The following NECTIN3 variants were observed in gnomAD, a reference collection of about 807,000 sequenced individuals.
NECTIN3 encodes the protein nectin cell adhesion molecule 3.
A neutral mutation model predicts 49.4 loss-of-function variants in NECTIN3; 8 were observed. The ratio of observed to expected loss-of-function variants is 0.16; its 90% confidence interval spans 0.10 to 0.29. The LOEUF is 0.29. Among genes scored for constraint, NECTIN3 ranks in the 10% least tolerant of loss-of-function variants. NECTIN3 has a pLI of 1.00. For synonymous variants in NECTIN3, 277 were observed against 241.1 expected (o/e 1.15, Z -1.38); for missense variants, 581 against 654.6 (o/e 0.89, Z 1.23).
At chr3:111,176,456 T>G (rs113194004) in intron 7 of NECTIN3, among the ~76,000 whole-genome samples, 9 of 152,330 alleles carry the variant, frequency 5.9e-5, no homozygotes, top group African/African-American at 1.7e-4. Context: ...AAAACTTTAG[T>G]GTCTTTGTGG....
chr3:111,147,410 C>T, exon 7 of NECTIN3: 1 of 1,530,080 alleles, frequency 6.5e-7, no homozygotes, highest in Non-Finnish European at 8.8e-7. Flanking sequence ...CAGGATTGAC[C>T]TTCCACCCAC....
intron 3 of NECTIN3, among the ~76,000 whole-genome samples, chr3:111,120,626 T>G (rs1222281903): frequency 6.6e-6 from 1 of 152,282 alleles, no homozygotes; most frequent in African/African-American, 2.4e-5. Context: ...TTTTGTAAAT[T>G]TTGCTTTCCA....
At chr3:111,123,553 T>A (rs2034039803) in intron 4 of NECTIN3, among the ~76,000 whole-genome samples, 3 of 152,172 alleles carry the variant, frequency 2.0e-5, no homozygotes, top group Admixed American at 1.3e-4. Flanking sequence ...TCGTGGCCAG[T>A]TTATTTCTAG....
intron 6 of NECTIN3, among the ~76,000 whole-genome samples, chr3:111,145,817 T>G (rs2034859646): frequency 6.6e-6 from 1 of 152,232 alleles, no homozygotes; most frequent in African/African-American, 2.4e-5. Flanking sequence ...AAGGTTGACT[T>G]TCAAAGAATA....
chr3:111,081,403 A>G (rs1478293669), intron 1 of NECTIN3, among the ~76,000 whole-genome samples: 1 of 152,192 alleles, frequency 6.6e-6, no homozygotes, highest in Non-Finnish European at 1.5e-5. Context: ...TGTAAAACTT[A>G]ATTGTCAGGA....
rs142190887 is a variant in NECTIN3, at chr3:111,165,362, T to C, written c.1221+17878T>C. 4.4e-3 allele frequency among the ~76,000 whole-genome samples: 675 copies of C among 152,192 alleles called. 6 individuals are homozygous for C. Among genetic ancestry groups the C allele is most frequent in the African/African-American group, 0.015 (625 of 41,522 alleles). On this transcript the variant is annotated intron_variant, in intron 7 of 8. Coordinates refer to the NECTIN3 transcript ENST00000493615. ...CCGGCCAGATTTTTTTTTAAAGCAT[T>C]CTTTTTGCTGTCCACATTATGGTAC...
At chr3:111,177,760 TC>T (rs2035557459) in intron 7 of NECTIN3, among the ~76,000 whole-genome samples, 1 of 152,232 alleles carries the variant, frequency 6.6e-6, no homozygotes, top group Admixed American at 6.5e-5. Context: ...AGCATGGTTT[TC>T]TGGTGTTAAA....
At position 111,176,431 on chromosome 3, in the gene NECTIN3, C is replaced by G. The variant is rs146592390; in HGVS notation, c.1222-15920C>G. Among the ~76,000 whole-genome samples the G allele has an allele frequency of 5.1e-4, 77 of 152,298 alleles. 1 individual carries two copies. The East Asian group carries it at 0.013, about 26-fold the overall frequency. On this transcript the variant is annotated intron_variant, in intron 7 of 8. Transcript: ENST00000493615. ...AACTGAGTTCTAGCTCAAGCTGCCT[C>G]TGTGCAGGTCACTTAAAACTTTAGT...
chr3:111,137,282 AG>A lies in NECTIN3; in HGVS notation c.*3068del. On this transcript the variant is annotated 3_prime_UTR_variant, in exon 6 of 6. Coordinates refer to ENST00000485303, the MANE Select transcript of NECTIN3 (RefSeq NM_015480.3). Reference sequence around the variant, plus strand: ...ATTTTGAATTTTTAATTCTAATAGGAGAGTAGATTGTAGATTGAATTGTCTT... The same window carrying A: ...ATTTTGAATTTTTAATTCTAATAGGAAGTAGATTGTAGATTGAATTGTCTT... 2.1e-6 allele frequency: 2 copies of A among 957,604 alleles called. No homozygotes were observed. The highest frequency in any genetic ancestry group is 4.8e-5 in the South Asian group (1 of 20,690). The allele number at this position is 957,604 out of a possible 1,614,324, so 59.3% of individuals were successfully genotyped here.
intron 1 of NECTIN3, among the ~76,000 whole-genome samples, chr3:111,092,644 T>G (rs941138764): frequency 9.2e-5 from 14 of 152,188 alleles, no homozygotes; most frequent in African/African-American, 3.1e-4. Context: ...TTCTGTTGAT[T>G]CATATGTCTT....
At chr3:111,119,455 C>T (rs1215361139) in intron 3 of NECTIN3, among the ~76,000 whole-genome samples, 1 of 152,142 alleles carries the variant, frequency 6.6e-6, no homozygotes, top group Non-Finnish European at 1.5e-5. Flanking sequence ...CCTCAGCCTC[C>T]CAAGTAGCTG....
chr3:111,119,192 A>T (rs1384451188), intron 3 of NECTIN3, among the ~76,000 whole-genome samples: 1 of 152,208 alleles, frequency 6.6e-6, no homozygotes, highest in East Asian at 1.9e-4. Context: ...TCTTAAAAGT[A>T]GGCTGGACTT....
At chr3:111,190,099 G>A (rs146320358), upstream of NECTIN3, among the ~76,000 whole-genome samples, 116 of 152,302 alleles carry the variant, frequency 7.6e-4, 1 homozygote, top group East Asian at 0.015. Flanking sequence ...AATTAACAGT[G>A]AAATTATTAA....
At chr3:111,158,244 G>C (rs888952863) in intron 7 of NECTIN3, among the ~76,000 whole-genome samples, 3 of 151,938 alleles carry the variant, frequency 2.0e-5, no homozygotes, top group Non-Finnish European at 2.9e-5. Context: ...ACTTGCTATT[G>C]GTGGAATATT....
chr3:111,150,555 A>G (rs945491856), intron 7 of NECTIN3, among the ~76,000 whole-genome samples: 2 of 151,964 alleles, frequency 1.3e-5, no homozygotes, highest in Admixed American at 6.6e-5. Context: ...ACAGAATATA[A>G]AAAGCTTATT....
chr3:111,111,864 G>A (rs1334572695), intron 1 of NECTIN3, 166 bp from the exon 2 acceptor site: 4 of 532,510 alleles, frequency 7.5e-6, no homozygotes, highest in African/African-American at 1.9e-5. Flanking sequence ...TACGTTTTGT[G>A]TGTGGTGCGT....
chr3:111,192,188 A>T (rs527841689), upstream of NECTIN3, among the ~76,000 whole-genome samples: 2 of 152,172 alleles, frequency 1.3e-5, no homozygotes, highest in African/African-American at 4.8e-5. Context: ...GAAACTCTTT[A>T]AAAAAATATG....
At chr3:111,088,056 G>T (rs1462551094) in intron 1 of NECTIN3, among the ~76,000 whole-genome samples, 1 of 152,062 alleles carries the variant, frequency 6.6e-6, no homozygotes, top group African/African-American at 2.4e-5. Flanking sequence ...ATTCTGCCAA[G>T]CCTCATGTTG....
chr3:111,117,162 A>C (rs1378916187), intron 2 of NECTIN3, among the ~76,000 whole-genome samples: 3 of 152,138 alleles, frequency 2.0e-5, no homozygotes, highest in Non-Finnish European at 2.9e-5. Flanking sequence ...TGAATTCCAA[A>C]AACAATAAGC....
Sources: gnomAD v4.1 joint callset for allele counts (sites outside exome capture counted in the v4.1 genomes callset) on GRCh38, gnomAD v4.1.1 for gene constraint, MANE v1.5 for transcripts, NCBI Gene and HGNC (gene_info 2026-07-23, HGNC 2026-07-21) for gene names.